POU6F2: variants seen among roughly 807,000 people sequenced by gnomAD.
POU6F2 encodes the protein POU domain, class 6, transcription factor 2.
A neutral mutation model predicts 71.3 loss-of-function variants in POU6F2; 31 were observed. The ratio of observed to expected loss-of-function variants is 0.43; its 90% confidence interval spans 0.33 to 0.59. POU6F2 has a LOEUF of 0.59. Among genes scored for constraint, POU6F2 ranks in the 20% least tolerant of loss-of-function variants. The pLI, the probability that POU6F2 is intolerant of heterozygous loss-of-function variation, is 0.04. For synonymous variants in POU6F2, 347 were observed against 355.7 expected, an observed-to-expected ratio of 0.98 and a Z score of 0.27; for missense variants, 783 against 856.8, an observed-to-expected ratio of 0.91 and a Z score of 1.07.
At chr7:39,145,410 A>T (rs1483158169) in intron 2 of POU6F2, among the ~76,000 whole-genome samples, 1 of 152,244 alleles carries the variant, frequency 6.6e-6, no homozygotes, top group East Asian at 1.9e-4. Flanking sequence ...TATTATAAGT[A>T]ATCAAATAAA....
At chr7:39,273,084 G>A (rs747828027) in intron 4 of POU6F2, among the ~76,000 whole-genome samples, 7 of 152,070 alleles carry the variant, frequency 4.6e-5, no homozygotes, top group Admixed American at 1.3e-4. Flanking sequence ...ACAAGTCAAA[G>A]AGAAGAAAAA....
intron 1 of POU6F2, among the ~76,000 whole-genome samples, chr7:39,029,521 T>C (rs1230670672): frequency 6.6e-6 from 1 of 151,998 alleles, no homozygotes; most frequent in Non-Finnish European, 1.5e-5. Flanking sequence ...AGAAATTATA[T>C]AGTGGATCCA....
chr7:39,098,068 CT>C (rs1791490601), intron 2 of POU6F2, among the ~76,000 whole-genome samples: 1 of 152,090 alleles, frequency 6.6e-6, no homozygotes, highest in Admixed American at 6.6e-5. Flanking sequence ...CACAATTGCT[CT>C]TCTTTAGGGA....
At chr7:39,197,089 A>G (rs1386973236) in intron 2 of POU6F2, among the ~76,000 whole-genome samples, 35 of 152,174 alleles carry the variant, frequency 2.3e-4, no homozygotes, top group Admixed American at 2.1e-3. Context: ...GTAAAGTCCA[A>G]TGGGACATCT....
intron 2 of POU6F2, among the ~76,000 whole-genome samples, chr7:39,168,839 G>T (rs2128738537): frequency 6.6e-6 from 1 of 152,260 alleles, no homozygotes; most frequent in Non-Finnish European, 1.5e-5. Flanking sequence ...ATGACATTGG[G>T]AAGAAAACTA....
chr7:39,197,992 C>T (rs1205186680), intron 2 of POU6F2, among the ~76,000 whole-genome samples: 2 of 152,228 alleles, frequency 1.3e-5, no homozygotes, highest in Admixed American at 1.3e-4. Context: ...ATAATTTCTA[C>T]TCCCAAAGTT....
At chr7:39,357,502 C>G (rs1244686382) in intron 5 of POU6F2, among the ~76,000 whole-genome samples, 3 of 152,154 alleles carry the variant, frequency 2.0e-5, no homozygotes, top group Non-Finnish European at 4.4e-5. Context: ...CTCCCACCTC[C>G]TTTTAACCGG....
chr7:39,349,032 T>C (rs1786084926), intron 5 of POU6F2, among the ~76,000 whole-genome samples: 1 of 152,130 alleles, frequency 6.6e-6, no homozygotes, highest in Non-Finnish European at 1.5e-5. Context: ...TCCTTAATTG[T>C]GGGGTCAGCA....
chr7:39,320,897 A>C (rs971674278), intron 4 of POU6F2, among the ~76,000 whole-genome samples: 1 of 152,050 alleles, frequency 6.6e-6, no homozygotes, highest in African/African-American at 2.4e-5. Flanking sequence ...TCAACCAAAA[A>C]TTTAAAAAAT....
chr7:39,027,769 C>T (rs953145623), intron 1 of POU6F2, among the ~76,000 whole-genome samples: 1 of 152,162 alleles, frequency 6.6e-6, no homozygotes, highest in South Asian at 2.1e-4. Context: ...GAAAAATGTG[C>T]AGTTCTCTGA....
chr7:39,319,962 A>G (rs1785350681), intron 4 of POU6F2, among the ~76,000 whole-genome samples: 1 of 152,384 alleles, frequency 6.6e-6, no homozygotes, highest in African/African-American at 2.4e-5. Context: ...TGTTTCAGCA[A>G]TGCACTATAG....
chr7:39,126,901 T>G (rs1419989135), intron 2 of POU6F2, among the ~76,000 whole-genome samples: 1 of 152,300 alleles, frequency 6.6e-6, no homozygotes, highest in East Asian at 1.9e-4. Flanking sequence ...ATTAAAGACT[T>G]TAAAAGCAGT....
chr7:39,158,198 G>A (rs904674788), intron 2 of POU6F2, among the ~76,000 whole-genome samples: 1 of 152,150 alleles, frequency 6.6e-6, no homozygotes, highest in African/African-American at 2.4e-5. Flanking sequence ...GTTGCTCATA[G>A]TACTCAATAA....
chr7:39,236,054 C>A (rs1019300270), intron 4 of POU6F2, among the ~76,000 whole-genome samples: 2 of 152,152 alleles, frequency 1.3e-5, no homozygotes, highest in Non-Finnish European at 2.9e-5. Context: ...TAGCAAAATG[C>A]AATTGCAACA....
At chr7:39,089,187 A>T (rs1791314700) in intron 2 of POU6F2, among the ~76,000 whole-genome samples, 1 of 152,254 alleles carries the variant, frequency 6.6e-6, no homozygotes, top group Non-Finnish European at 1.5e-5. Flanking sequence ...AAGTACACTT[A>T]GGAGAGATGA....
intron 2 of POU6F2, among the ~76,000 whole-genome samples, chr7:39,174,466 G>T (rs1793288562): frequency 6.6e-6 from 1 of 152,154 alleles, no homozygotes; most frequent in Admixed American, 6.5e-5. Context: ...GATTTTCATT[G>T]TATTCATATA....
intron 1 of POU6F2, among the ~76,000 whole-genome samples, chr7:39,033,540 A>G (rs983894359): frequency 2.6e-5 from 4 of 152,222 alleles, no homozygotes; most frequent in Middle Eastern, 3.2e-3. Context: ...ATGTACTGTC[A>G]CTGAAAGAAT....
At chr7:39,074,923 G>A (rs1790968131) in intron 1 of POU6F2, among the ~76,000 whole-genome samples, 1 of 152,116 alleles carries the variant, frequency 6.6e-6, no homozygotes, top group Admixed American at 6.6e-5. Context: ...ATCCCATGAG[G>A]CATATACTGT....
At chr7:39,008,971 T>G (rs1789176924) in intron 1 of POU6F2, among the ~76,000 whole-genome samples, 1 of 152,194 alleles carries the variant, frequency 6.6e-6, no homozygotes, top group African/African-American at 2.4e-5. Context: ...CCTCCAGCTT[T>G]GTTCTTTTGG....
Sources: allele counts gnomAD v4.1 joint callset (sites outside exome capture counted in the v4.1 genomes callset), GRCh38; gene constraint gnomAD v4.1.1; transcripts MANE v1.5; gene names NCBI Gene and HGNC (gene_info 2026-07-23, HGNC 2026-07-21).